The following SLC7A9 variants were observed in gnomAD, a reference collection of about 807,000 sequenced individuals.
SLC7A9 encodes the protein solute carrier family 7 member 9.
Under a neutral mutation model 54.1 loss-of-function variants are expected in SLC7A9, and 38 were observed. The ratio of observed to expected loss-of-function variants is 0.70; its 90% CI spans 0.54 to 0.92. The LOEUF is 0.92. Among genes scored for constraint, SLC7A9 ranks in the 40% least tolerant of loss-of-function variants. The probability of loss-of-function intolerance (pLI) is 0.00; values close to 1 mark genes in which losing one functional copy is unlikely to be tolerated. For missense variants in SLC7A9, 537 were observed against 636.1 expected, an observed-to-expected ratio of 0.84 and a Z score of 1.68; for synonymous variants, 264 against 258.9, an observed-to-expected ratio of 1.02 and a Z score of -0.19.
intron 9 of SLC7A9, among the ~76,000 whole-genome samples, chr19:32,855,041 C>T (rs147849608): frequency 6.6e-6 from 1 of 152,330 alleles, no homozygotes; most frequent in East Asian, 1.9e-4. Flanking sequence ...AAGACATGGA[C>T]ACAACCTAAG....
At chr19:32,831,340 G>C (rs922117145) in intron 12 of SLC7A9, 4 of 152,628 alleles carry the variant, frequency 2.6e-5, no homozygotes, top group African/African-American at 9.7e-5. Flanking sequence ...AGGCTGGAGT[G>C]CAGTGGGGGG....
intron 9 of SLC7A9, among the ~76,000 whole-genome samples, chr19:32,854,433 T>C (rs992984535): frequency 9.9e-5 from 15 of 152,158 alleles, no homozygotes; most frequent in African/African-American, 3.1e-4. Flanking sequence ...GATTGTAATA[T>C]TCATATGCAA....
rs1380716749 is a variant in SLC7A9, at chr19:32,859,928, C to T, written c.786G>A (p.Leu262=). 7.4e-6 allele frequency: 12 copies of T among 1,614,058 alleles called. No individual in the cohort carries two copies. In the Admixed American group the frequency reaches 1.7e-4, roughly 22 times the overall value. The change falls in exon 8 of 13, where the codon CTG becomes CTA. Residue 262 remains leucine, a synonymous_variant. Coordinates refer to ENST00000023064, the MANE Select transcript of SLC7A9 (RefSeq NM_014270.5). The part of the protein sequence containing the change: ...LPLAIIIGIP[L]VTACYILMNV... ...TCATGAGGATGTAGCACGCCGTCAC[C>T]AGGGGGATCCCGATGATAATGGCCA...
intron 8 of SLC7A9, 107 bp from the exon 9 acceptor site, chr19:32,858,650 C>T: frequency 3.8e-6 from 3 of 790,412 alleles, no homozygotes; most frequent in Non-Finnish European, 6.4e-6. Flanking sequence ...ACCCACCTCG[C>T]CTCGGGGCAC....
At chr19:32,864,500 T>C in intron 3 of SLC7A9, 129 bp downstream of exon 3, 1 of 1,517,308 alleles carries the variant, frequency 6.6e-7, no homozygotes, top group Non-Finnish European at 9.0e-7. Context: ...CAGTCCAGCC[T>C]GATTTACACC....
chr19:32,849,374 AAACTACCATC>A (rs1968396870), intron 9 of SLC7A9, among the ~76,000 whole-genome samples: 1 of 152,076 alleles, frequency 6.6e-6, no homozygotes, highest in South Asian at 2.1e-4. Flanking sequence ...ACAGAAATAC[AAACTACCATC>A]AGAGAATACT....
rs186404999 is a variant in SLC7A9, at chr19:32,842,014, A to C, written c.1224+154T>G. On this transcript the variant is annotated intron_variant, in intron 11 of 12. Transcript: ENST00000023064. ...AAGGTGGCTAACTGGATCATAAACT[A>C]TGCTGTGAAGAGTAAACTCCACTCT... Among the ~76,000 whole-genome samples the C allele has an allele frequency of 1.2e-4, 18 of 152,342 alleles. No homozygotes were observed. The East Asian group carries it at 2.5e-3, about 21-fold the overall frequency.
chr19:32,849,434 A>G (rs1396965781), intron 9 of SLC7A9, among the ~76,000 whole-genome samples: 2 of 152,098 alleles, frequency 1.3e-5, no homozygotes, highest in African/African-American at 4.8e-5. Context: ...AATCTAGAAG[A>G]AATGGATAAA....
At chr19:32,859,330 C>G (rs1268628950) in intron 8 of SLC7A9, among the ~76,000 whole-genome samples, 1 of 151,976 alleles carries the variant, frequency 6.6e-6, no homozygotes, top group Non-Finnish European at 1.5e-5. Context: ...CCCACTCCAA[C>G]CGGAATGGCT....
chr19:32,864,443 C>T (rs770134715), intron 3 of SLC7A9, 105 bp from the exon 4 acceptor site: 110 of 1,557,968 alleles, frequency 7.1e-5, no homozygotes, highest in Non-Finnish European at 9.0e-5. Context: ...AGGGGCCCAC[C>T]GTGGTCCGCC....
intron 9 of SLC7A9, among the ~76,000 whole-genome samples, chr19:32,855,982 A>G (rs539346848): frequency 3.9e-5 from 6 of 152,280 alleles, no homozygotes; most frequent in African/African-American, 1.4e-4. Flanking sequence ...AATCATCTGC[A>G]ACATACATGA....
intron 2 of SLC7A9, 104 bp from the exon 3 acceptor site, chr19:32,864,880 GC>G: frequency 1.5e-5 from 23 of 1,493,002 alleles, no homozygotes; most frequent in Non-Finnish European, 2.0e-5. Flanking sequence ...CCCAGCCAAA[GC>G]CCATGTCCCA....
At chr19:32,860,682 C>T in intron 6 of SLC7A9, 32 bp from the exon 7 acceptor site, 1 of 1,613,758 alleles carries the variant, frequency 6.2e-7, no homozygotes, top group South Asian at 1.1e-5. Flanking sequence ...GCGTCACACA[C>T]CTTGACTTTC....
chr19:32,864,257 G>C lies in SLC7A9; in HGVS notation c.317C>G (p.Pro106Arg). ...EYPYLMEAYG[P>R]IPAYLFSWAS... ...CCAGGAGAAGAGGTAGGCGGGGATG[G>C]GCCCGTAGGCCTCCATCAGGTAGGG... Residue 106 changes from proline (P) to arginine (R), a missense_variant, in exon 4 of 13, where the codon CCC (proline) becomes CGC (arginine). Transcript: ENST00000023064. 6.2e-7 allele frequency: 1 copy of C among 1,614,140 alleles called. No homozygotes were observed. Among genetic ancestry groups the C allele is most frequent in the Non-Finnish European group, 8.5e-7 (1 of 1,180,010 alleles).
chr19:32,852,913 T>C (rs1333289013), intron 9 of SLC7A9, among the ~76,000 whole-genome samples: 6 of 146,346 alleles, frequency 4.1e-5, no homozygotes, highest in African/African-American at 1.5e-4. Flanking sequence ...AACTTTTTTT[T>C]TTTTTTTTTT....
intron 11 of SLC7A9, among the ~76,000 whole-genome samples, chr19:32,838,738 CAT>C (rs1250897184): frequency 6.8e-6 from 1 of 147,438 alleles, no homozygotes; most frequent in East Asian, 2.0e-4. Context: ...GTATAACAGA[CAT>C]GTAATGATAC....
In SLC7A9 at chr19:32,864,293, CCT is replaced by C. The variant is rs749851680; in HGVS notation, c.279_280del (p.Gly95ArgfsTer26). 3.7e-6 allele frequency: 6 copies of C among 1,614,002 alleles called. No homozygotes were observed. Among genetic ancestry groups the C allele is most frequent in the African/African-American group, 2.7e-5 (2 of 74,920 alleles). On this transcript the variant is annotated frameshift_variant, in exon 4 of 13. Coordinates refer to ENST00000023064, the MANE Select transcript of SLC7A9 (RefSeq NM_014270.5). LOFTEE classifies it high-confidence loss of function. ...CTCCATCAGGTAGGGATACTCTCCC[CCT>C]GACTTGGTGATCATTGTGCCAAGCT...
At position 32,862,574 on chromosome 19, in the gene SLC7A9, G is replaced by A; in HGVS notation, c.491C>T (p.Thr164Ile). The change falls in exon 5 of 13, where the codon ACA (threonine) becomes ATA (isoleucine). Residue 164 changes from threonine to isoleucine, a missense_variant. By Grantham distance (89) the Thr-to-Ile change is moderately conservative. Transcript: ENST00000023064. ...CAGCCGCACGCTCAGTGAGTTCACTGTCGAGATGAACACTGGAAGGGTGGG... is the reference window on the plus strand; with the variant it reads ...CAGCCGCACGCTCAGTGAGTTCACTATCGAGATGAACACTGGAAGGGTGGG... ...LAAAAILFISTVNSLSVRLGS... is the reference protein window; with the variant it reads ...LAAAAILFISIVNSLSVRLGS... 6.2e-7 allele frequency: 1 copy of A among 1,614,046 alleles called. No homozygotes were observed. The highest frequency in any genetic ancestry group is 8.5e-7 in the Non-Finnish European group (1 of 1,180,038).
At chr19:32,864,378 G>A (rs1244652983) in intron 3 of SLC7A9, 40 bp from the exon 4 acceptor site, 1 of 1,612,252 alleles carries the variant, frequency 6.2e-7, no homozygotes, top group East Asian at 2.2e-5. Flanking sequence ...CCCCTTGTGA[G>A]GCACTGCCCC....
Sources: allele counts gnomAD v4.1 joint callset (sites outside exome capture counted in the v4.1 genomes callset), GRCh38; gene constraint gnomAD v4.1.1; transcripts MANE v1.5; gene names NCBI Gene and HGNC (gene_info 2026-07-23, HGNC 2026-07-21).